Variants in MAP4K1 observed in about 807,000 individuals in gnomAD.
MAP4K1 encodes the protein mitogen-activated protein kinase kinase kinase kinase 1, also known as MAPK/ERK kinase kinase kinase 1.
MAP4K1 carries 35 observed loss-of-function variants against 122.8 expected under a neutral mutation model. The ratio of observed to expected loss-of-function variants is 0.29; its 90% CI spans 0.22 to 0.38. MAP4K1 has a LOEUF of 0.38. Ranked by LOEUF, MAP4K1 falls within the 10% of genes least tolerant of loss-of-function variation. MAP4K1 has a pLI of 1.00. For synonymous variants in MAP4K1, 412 were observed against 421.3 expected, an observed-to-expected ratio of 0.98 and a Z score of 0.27; for missense variants, 791 against 1,072.6, an observed-to-expected ratio of 0.74 and a Z score of 3.67.
intron 22 of MAP4K1, among the ~76,000 whole-genome samples, chr19:38,598,168 G>C (rs1974945940): frequency 6.6e-6 from 1 of 151,560 alleles, no homozygotes; most frequent in South Asian, 2.1e-4. Context: ...GTAGCTGGGA[G>C]TAGAGGTATG....
At chr19:38,608,826 A>C (rs1394771537) in intron 13 of MAP4K1, among the ~76,000 whole-genome samples, 2 of 149,252 alleles carry the variant, frequency 1.3e-5, no homozygotes, top group Non-Finnish European at 3.0e-5. Flanking sequence ...AAAAAAAAAA[A>C]AAACATTAGC....
intron 20 of MAP4K1, among the ~76,000 whole-genome samples, chr19:38,600,374 G>C (rs1317583972): frequency 2.6e-5 from 4 of 152,086 alleles, no homozygotes; most frequent in Non-Finnish European, 5.9e-5. Context: ...ATATTCTGGT[G>C]GTTCTTTCTT....
intron 20 of MAP4K1, 119 bp from the exon 21 acceptor site, chr19:38,600,272 C>G: frequency 1.3e-6 from 1 of 799,652 alleles, no homozygotes; most frequent in Non-Finnish European, 2.1e-6. Flanking sequence ...TATTCTTTCT[C>G]CAAACCAATA....
At chr19:38,612,567 G>A (rs1272914655) in intron 9 of MAP4K1, 44 bp downstream of exon 9, 3 of 1,595,852 alleles carry the variant, frequency 1.9e-6, no homozygotes, top group South Asian at 2.2e-5. Context: ...TTTGGGCCAG[G>A]GCTAGACAGG....
rs1009578723 is a variant in MAP4K1, at chr19:38,614,375, C to T, written c.369+15G>A. ...CCTCCCCTCCCATCCCCAGAATCCC[C>T]AGGCCTCTCCTTACCTGGAGCACTT... On this transcript the variant is annotated intron_variant, in intron 5 of 30. Coordinates refer to ENST00000396857, the MANE Select transcript of MAP4K1 (RefSeq NM_001042600.3). 1 of 1,614,098 alleles carries T rather than the reference C, an allele frequency of 6.2e-7. No individual in the cohort carries two copies. Among genetic ancestry groups the T allele is most frequent in the Admixed American group, 1.7e-5 (1 of 60,012 alleles).
chr19:38,598,316 C>T (rs1419691297), intron 22 of MAP4K1, among the ~76,000 whole-genome samples: 1 of 151,612 alleles, frequency 6.6e-6, no homozygotes, highest in East Asian at 1.9e-4. Context: ...CAGGTGTGAA[C>T]CACCGCACCC....
chr19:38,590,437 A>G (rs1347774348), intron 30 of MAP4K1, among the ~76,000 whole-genome samples: 2 of 120,514 alleles, frequency 1.7e-5, no homozygotes, highest in Admixed American at 9.1e-5. Context: ...ATATATATAT[A>G]ATCACGGGCG....
intron 30 of MAP4K1, among the ~76,000 whole-genome samples, chr19:38,592,917 CAATAAATAAATA>C (rs144296421): frequency 7.9e-5 from 12 of 151,146 alleles, no homozygotes; most frequent in Admixed American, 5.3e-4. Flanking sequence ...AACTCCATCT[CAATAAATAAATA>C]AATAAATAAA....
intron 22 of MAP4K1, 56 bp downstream of exon 22, chr19:38,599,869 G>A (rs929727740): frequency 3.5e-5 from 54 of 1,547,594 alleles, no homozygotes; most frequent in Admixed American, 2.0e-4. Context: ...CCCAGCCCCC[G>A]AACCCTTGGA....
intron 30 of MAP4K1, among the ~76,000 whole-genome samples, chr19:38,590,385 AAAAAAAAAAATATATATAT>A (rs1446330407): frequency 2.6e-5 from 2 of 78,398 alleles, no homozygotes; most frequent in African/African-American, 6.7e-5. Context: ...AAAAAAAAAA[AAAAAAAAAAATATATATAT>A]ATATATATAT....
chr19:38,596,146 C>G, intron 26 of MAP4K1, 145 bp from the exon 27 acceptor site: 1 of 1,277,248 alleles, frequency 7.8e-7, no homozygotes, highest in South Asian at 1.3e-5. Flanking sequence ...CCGGTCCCAC[C>G]CCATCATCAA....
chr19:38,591,203 A>G (rs1381585850), intron 30 of MAP4K1, among the ~76,000 whole-genome samples: 2 of 151,724 alleles, frequency 1.3e-5, no homozygotes, highest in Non-Finnish European at 2.9e-5. Flanking sequence ...GAAAAGAAAA[A>G]AAAAAGAATA....
chr19:38,611,034 G>T lies in MAP4K1; in HGVS notation c.810+17C>A. The T allele has an allele frequency of 6.2e-7, 1 of 1,602,164 alleles. No homozygotes were observed. Among genetic ancestry groups the T allele is most frequent in the East Asian group, 2.2e-5 (1 of 44,724 alleles). On this transcript the variant is annotated intron_variant, in intron 11 of 30. Coordinates refer to ENST00000396857, the MANE Select transcript of MAP4K1 (RefSeq NM_001042600.3). ...CAGGGAATCCTAGGCTGAGGATCTT[G>T]GGGAAGGGAGGGTTACACTGAGCAT... is the stretch of plus-strand genomic sequence containing the variant.
At chr19:38,594,627 G>A (rs1033579060) in intron 29 of MAP4K1, among the ~76,000 whole-genome samples, 20 of 146,070 alleles carry the variant, frequency 1.4e-4, no homozygotes, top group Non-Finnish European at 2.9e-4. Context: ...GTGACAGAGC[G>A]AGACTCTGTC....
intron 19 of MAP4K1, among the ~76,000 whole-genome samples, chr19:38,602,511 T>C (rs1341303205): frequency 6.7e-6 from 1 of 149,422 alleles, no homozygotes; most frequent in Non-Finnish European, 1.5e-5. Context: ...TATACACGTG[T>C]ACATATATAC....
intron 4 of MAP4K1, 75 bp from the exon 5 acceptor site, chr19:38,614,520 C>T (rs200275013): frequency 5.2e-6 from 8 of 1,524,774 alleles, no homozygotes; most frequent in East Asian, 2.2e-5. Context: ...CCTGCCCCCC[C>T]ACACCAGCTA....
chr19:38,611,524 C>T (rs1355329496), intron 9 of MAP4K1, among the ~76,000 whole-genome samples: 2 of 152,000 alleles, frequency 1.3e-5, no homozygotes, highest in Non-Finnish European at 1.5e-5. Flanking sequence ...GGTTCACGCC[C>T]GTAATCCCAA....
intron 27 of MAP4K1, 71 bp downstream of exon 27, chr19:38,595,868 A>C: frequency 6.4e-7 from 1 of 1,564,704 alleles, no homozygotes; most frequent in Non-Finnish European, 8.8e-7. Context: ...GAGAAGCACA[A>C]GTTCGGAGGC....
At chr19:38,602,815 T>C (rs1342491411) in intron 19 of MAP4K1, among the ~76,000 whole-genome samples, 1 of 149,136 alleles carries the variant, frequency 6.7e-6, no homozygotes, top group Non-Finnish European at 1.5e-5. Context: ...TATACATATA[T>C]ACACATGTAC....
Sources: allele counts gnomAD v4.1 joint callset (sites outside exome capture counted in the v4.1 genomes callset), GRCh38; gene constraint gnomAD v4.1.1; transcripts MANE v1.5; gene names NCBI Gene and HGNC (gene_info 2026-07-23, HGNC 2026-07-21).